NXPH2: variants seen among roughly 807,000 people sequenced by gnomAD.
NXPH2 encodes the protein neurexophilin 2, also known as neurexophilin-2.
In NXPH2, 5 loss-of-function variants were observed where a neutral mutation model predicts 19.8. The ratio of observed to expected loss-of-function variants is 0.25; its 90% CI spans 0.13 to 0.53. NXPH2 has a LOEUF of 0.53. Among genes scored for constraint, NXPH2 ranks in the 20% least tolerant of loss-of-function variants. The pLI, the probability that NXPH2 is intolerant of heterozygous loss-of-function variation, is 0.96. For missense variants in NXPH2, 289 were observed against 322.8 expected (o/e 0.90, Z 0.80); for synonymous variants, 154 against 127.4 (o/e 1.21, Z -1.41).
intron 1 of NXPH2, among the ~76,000 whole-genome samples, chr2:138,758,330 T>G (rs1290462067): frequency 6.6e-6 from 1 of 152,140 alleles, no homozygotes; most frequent in Non-Finnish European, 1.5e-5. Flanking sequence ...GCACCAAGGA[T>G]CACATTCCTC....
At chr2:138,723,587 A>G (rs1241736007) in intron 1 of NXPH2, among the ~76,000 whole-genome samples, 3 of 152,176 alleles carry the variant, frequency 2.0e-5, no homozygotes, top group Non-Finnish European at 2.9e-5. Flanking sequence ...TAGGGTGGGC[A>G]TCTCACAGGC....
At chr2:138,673,741 G>A (rs1015649395) in intron 1 of NXPH2, among the ~76,000 whole-genome samples, 1 of 151,020 alleles carries the variant, frequency 6.6e-6, no homozygotes, top group Non-Finnish European at 1.5e-5. Flanking sequence ...TCCTCCCTAA[G>A]TGTTGGGATT....
At chr2:138,729,305 A>G (rs562328805) in intron 1 of NXPH2, among the ~76,000 whole-genome samples, 1 of 152,188 alleles carries the variant, frequency 6.6e-6, no homozygotes, top group South Asian at 2.1e-4. Context: ...ATGAGATCTG[A>G]TGGTTTTATA....
intron 1 of NXPH2, among the ~76,000 whole-genome samples, chr2:138,727,467 G>A (rs942993826): frequency 6.6e-6 from 1 of 151,830 alleles, no homozygotes; most frequent in Non-Finnish European, 1.5e-5. Flanking sequence ...TTGTTTGTTT[G>A]TTTGTTTTTT....
chr2:138,678,204 T>C (rs936455615), intron 1 of NXPH2, among the ~76,000 whole-genome samples: 3 of 152,310 alleles, frequency 2.0e-5, no homozygotes, highest in Non-Finnish European at 2.9e-5. Flanking sequence ...TACCCTTCAA[T>C]TTTGCTTTAT....
Position 138,780,344 on chromosome 2 carries a change from G to T in NXPH2, c.-103C>A. On this transcript the variant is annotated 5_prime_UTR_variant, in exon 1 of 2. Coordinates refer to ENST00000272641, the MANE Select transcript of NXPH2 (RefSeq NM_007226.3). ...CTGAGGACGCCAGGGACACAGCGCG[G>T]CGCTTCCCTCCCGGAATCCGAGCGC... 1 of 869,562 alleles carries T rather than the reference G, an allele frequency of 1.2e-6. No individual in the cohort carries two copies. Among genetic ancestry groups the T allele is most frequent in the Non-Finnish European group, 1.5e-6 (1 of 653,622 alleles). 53.9% of individuals were successfully genotyped at this position (869,562 alleles called of 1,614,324 possible).
intron 1 of NXPH2, among the ~76,000 whole-genome samples, chr2:138,708,768 A>G (rs1028253111): frequency 6.6e-6 from 1 of 152,114 alleles, no homozygotes; most frequent in Non-Finnish European, 1.5e-5. Context: ...TTGGATTCCA[A>G]CCTCTCCTTG....
chr2:138,750,427 T>TA (rs139511271), intron 1 of NXPH2, among the ~76,000 whole-genome samples: 6,179 of 151,902 alleles, frequency 0.041, 145 homozygotes, highest in Middle Eastern at 0.085. Flanking sequence ...GGTACTAAAA[T>TA]AAAAAAAACT....
chr2:138,736,828 C>T (rs532294926), intron 1 of NXPH2, among the ~76,000 whole-genome samples: 28 of 152,334 alleles, frequency 1.8e-4, no homozygotes, highest in African/African-American at 6.7e-4. Context: ...GAAATTTCTT[C>T]TGCCAGATAA....
intron 1 of NXPH2, among the ~76,000 whole-genome samples, chr2:138,739,067 G>C (rs771745121): frequency 6.6e-6 from 1 of 152,176 alleles, no homozygotes; most frequent in Non-Finnish European, 1.5e-5. Context: ...CATGGATGTA[G>C]GATGGTGAAT....
chr2:138,674,773 C>G (rs1344654351), intron 1 of NXPH2, among the ~76,000 whole-genome samples: 38 of 152,232 alleles, frequency 2.5e-4, no homozygotes, highest in Admixed American at 2.5e-3. Flanking sequence ...ATAAGAAGCT[C>G]TTGCTAATCA....
intron 1 of NXPH2, among the ~76,000 whole-genome samples, chr2:138,777,022 A>AT (rs1418825679): frequency 1.3e-5 from 2 of 151,604 alleles, no homozygotes; most frequent in Non-Finnish European, 1.5e-5. Flanking sequence ...TAAGAAACTG[A>AT]TTTTTTAAAT....
intron 1 of NXPH2, among the ~76,000 whole-genome samples, chr2:138,703,240 T>A (rs1275836182): frequency 2.0e-5 from 3 of 152,170 alleles, no homozygotes; most frequent in African/African-American, 7.2e-5. Context: ...GAATGCATAA[T>A]ATTTAATGCT....
chr2:138,695,816 G>T (rs1456901847), intron 1 of NXPH2, among the ~76,000 whole-genome samples: 1 of 152,074 alleles, frequency 6.6e-6, no homozygotes, highest in East Asian at 1.9e-4. Flanking sequence ...TATACAAATA[G>T]CCAATGAATA....
intron 1 of NXPH2, among the ~76,000 whole-genome samples, chr2:138,691,670 T>C (rs1319292462): frequency 6.6e-6 from 1 of 152,116 alleles, no homozygotes; most frequent in Admixed American, 6.6e-5. Flanking sequence ...GTAAGAAGTG[T>C]AATCACTTTG....
Position 138,759,586 on chromosome 2 carries a change from A to T in NXPH2, c.51+20605T>A, listed in dbSNP as rs576609787. Among the ~76,000 whole-genome samples the T allele has an allele frequency of 1.2e-4, 18 of 151,418 alleles. No homozygotes were observed. In the East Asian group the frequency reaches 2.9e-3, roughly 25 times the overall value. ...TTCTAATTTTTTTTTTTTAAAGAGGATTTCCCAGAAATAATGCTCAGCAAA... is the reference window on the plus strand; with the variant it reads ...TTCTAATTTTTTTTTTTTAAAGAGGTTTTCCCAGAAATAATGCTCAGCAAA... On this transcript the variant is annotated intron_variant, in intron 1 of 1. Coordinates refer to ENST00000272641, the MANE Select transcript of NXPH2 (RefSeq NM_007226.3).
chr2:138,674,444 G>T (rs145717078), intron 1 of NXPH2, among the ~76,000 whole-genome samples: 97 of 152,098 alleles, frequency 6.4e-4, no homozygotes, highest in African/African-American at 2.1e-3. Context: ...GTGAGCCACT[G>T]CTCGGCTTAA....
chr2:138,722,244 A>G (rs1450362407), intron 1 of NXPH2, among the ~76,000 whole-genome samples: 4 of 152,352 alleles, frequency 2.6e-5, no homozygotes, highest in African/African-American at 9.6e-5. Flanking sequence ...CAAGAAAGGA[A>G]TCCGTGAGAA....
intron 1 of NXPH2, among the ~76,000 whole-genome samples, chr2:138,745,698 G>C (rs1681719585): frequency 1.3e-5 from 2 of 152,058 alleles, no homozygotes. Context: ...GTTTTAAAAT[G>C]GAAAAATCTT....
Sources: gnomAD v4.1 joint callset for allele counts (sites outside exome capture counted in the v4.1 genomes callset) on GRCh38, gnomAD v4.1.1 for gene constraint, MANE v1.5 for transcripts, NCBI Gene and HGNC (gene_info 2026-07-23, HGNC 2026-07-21) for gene names.